MECOM: variants seen among roughly 807,000 people sequenced by gnomAD.
MECOM encodes MDS1 and EVI1 complex locus.
MECOM carries 13 observed loss-of-function variants against 116.3 expected under a neutral mutation model. That is an observed-to-expected ratio of 0.11 (90% CI 0.07 to 0.18). MECOM has a LOEUF of 0.18. MECOM is among the 10% of genes least tolerant of loss of function. MECOM has a pLI of 1.00. For synonymous variants in MECOM, 528 were observed against 535.2 expected (o/e 0.99, Z 0.19); for missense variants, 1,299 against 1,509.0 (o/e 0.86, Z 2.31).
intron 2 of MECOM, among the ~76,000 whole-genome samples, chr3:169,334,501 A>C (rs944123804): frequency 1.1e-4 from 16 of 152,160 alleles, no homozygotes; most frequent in Non-Finnish European, 1.8e-4. Flanking sequence ...GGGGATCAGA[A>C]GTTTTAAAAC....
chr3:169,419,470 C>T (rs1455808383), intron 1 of MECOM, among the ~76,000 whole-genome samples: 1 of 152,144 alleles, frequency 6.6e-6, no homozygotes. Context: ...AAGCTGGAGG[C>T]ATCACACTAC....
intron 2 of MECOM, among the ~76,000 whole-genome samples, chr3:169,223,779 G>T (rs1296112637): frequency 6.6e-6 from 1 of 152,118 alleles, no homozygotes; most frequent in Non-Finnish European, 1.5e-5. Flanking sequence ...CATAGGAAAA[G>T]GTATTCATGC....
At chr3:169,242,692 A>ATC (rs1470978668) in intron 2 of MECOM, among the ~76,000 whole-genome samples, 1 of 152,130 alleles carries the variant, frequency 6.6e-6, no homozygotes, top group African/African-American at 2.4e-5. Context: ...CAGAGGCTGC[A>ATC]GTGTATGGGC....
intron 1 of MECOM, among the ~76,000 whole-genome samples, chr3:169,391,247 G>A (rs571519032): frequency 5.9e-5 from 9 of 152,238 alleles, no homozygotes; most frequent in Admixed American, 2.0e-4. Context: ...GTCTCAAAAT[G>A]TTTTATTTGA....
chr3:169,129,456 A>C (rs973685828), intron 4 of MECOM, among the ~76,000 whole-genome samples: 60 of 152,062 alleles, frequency 3.9e-4, no homozygotes, highest in African/African-American at 1.2e-3. Flanking sequence ...AGAGAGACCA[A>C]GTGAGACACT....
intron 1 of MECOM, chr3:169,477,012 T>C (rs940102011): frequency 6.7e-6 from 1 of 149,256 alleles, no homozygotes; most frequent in Non-Finnish European, 1.5e-5. Context: ...AGCTTTCTTT[T>C]TAGAAATACT....
chr3:169,651,093 G>A lies in MECOM; in HGVS notation c.37+12243C>T, dbSNP rs185295780. Among the ~76,000 whole-genome samples the A allele has an allele frequency of 1.8e-4, 27 of 152,286 alleles. No individual in the cohort carries two copies. In the East Asian group the frequency reaches 3.3e-3, roughly 19 times the overall value. On this transcript the variant is annotated intron_variant, in intron 1 of 16. Transcript: ENST00000651503. ...CATCATTGTCTTGTTCCAGTTTGCA[G>A]ACGGAATGCTTTCAACTTTTCCCCA... is the stretch of plus-strand genomic sequence containing the variant.
intron 5 of MECOM, among the ~76,000 whole-genome samples, chr3:169,126,771 G>A (rs752441871): frequency 6.6e-6 from 1 of 151,902 alleles, no homozygotes; most frequent in Non-Finnish European, 1.5e-5. Flanking sequence ...TAAAAGAGGC[G>A]TAACCAGGAG....
intron 1 of MECOM, among the ~76,000 whole-genome samples, chr3:169,530,898 CAA>C (rs11425768): frequency 7.0e-6 from 1 of 142,248 alleles, no homozygotes. Flanking sequence ...AGATAAGCAG[CAA>C]AAAAAAAAAA....
chr3:169,526,906 A>G (rs1391699793), intron 1 of MECOM, among the ~76,000 whole-genome samples: 3 of 152,128 alleles, frequency 2.0e-5, no homozygotes, highest in Non-Finnish European at 1.5e-5. Context: ...TAATGATTCT[A>G]CACATTTGCA....
intron 1 of MECOM, among the ~76,000 whole-genome samples, chr3:169,585,958 AT>A (rs2109586211): frequency 6.6e-6 from 1 of 152,296 alleles, no homozygotes; most frequent in East Asian, 1.9e-4. Flanking sequence ...TAATTCTAAC[AT>A]TTTTGTCTTC....
chr3:169,211,627 TC>T (rs1750745594), intron 2 of MECOM, among the ~76,000 whole-genome samples: 1 of 152,190 alleles, frequency 6.6e-6, no homozygotes, highest in Non-Finnish European at 1.5e-5. Context: ...CTACTCCATC[TC>T]CTTTACTAGT....
chr3:169,341,983 C>T (rs182223961), intron 2 of MECOM, among the ~76,000 whole-genome samples: 1 of 152,030 alleles, frequency 6.6e-6, no homozygotes, highest in African/African-American at 2.4e-5. Context: ...TATGCACCCA[C>T]AACAATTTAA....
chr3:169,366,655 T>C (rs1729215458), intron 2 of MECOM, among the ~76,000 whole-genome samples: 1 of 152,000 alleles, frequency 6.6e-6, no homozygotes, highest in Non-Finnish European at 1.5e-5. Flanking sequence ...GATTCTATGC[T>C]GGCATCACAC....
At chr3:169,209,999 T>TAC (rs949885579) in intron 2 of MECOM, among the ~76,000 whole-genome samples, 3 of 152,140 alleles carry the variant, frequency 2.0e-5, no homozygotes, top group African/African-American at 7.2e-5. Flanking sequence ...GTGGTATATA[T>TAC]ACACCATGGA....
intron 2 of MECOM, among the ~76,000 whole-genome samples, chr3:169,361,291 A>C (rs1728264956): frequency 6.6e-6 from 1 of 151,806 alleles, no homozygotes. Context: ...TTAAACATGA[A>C]TCAATGTTTC....
chr3:169,454,765 A>AAATGT, intron 1 of MECOM, among the ~76,000 whole-genome samples: 1 of 152,208 alleles, frequency 6.6e-6, no homozygotes, highest in Non-Finnish European at 1.5e-5. Flanking sequence ...TCTTCTTATT[A>AAATGT]CACATTTAAA....
At chr3:169,535,918 C>A (rs1238950945) in intron 1 of MECOM, among the ~76,000 whole-genome samples, 1 of 152,168 alleles carries the variant, frequency 6.6e-6, no homozygotes, top group East Asian at 1.9e-4. Flanking sequence ...TAAAAGAGAT[C>A]ATATATGTCA....
At chr3:169,410,516 A>G (rs543063158) in intron 1 of MECOM, among the ~76,000 whole-genome samples, 1 of 152,298 alleles carries the variant, frequency 6.6e-6, no homozygotes, top group Admixed American at 6.5e-5. Context: ...CAATATCTCA[A>G]CTTTTCCCCC....
Sources: gnomAD v4.1 joint callset for allele counts (sites outside exome capture counted in the v4.1 genomes callset) on GRCh38, gnomAD v4.1.1 for gene constraint, MANE v1.5 for transcripts, NCBI Gene and HGNC (gene_info 2026-07-23, HGNC 2026-07-21) for gene names.